The following AFF3 variants were observed in gnomAD, a reference collection of about 807,000 sequenced individuals.
AFF3 encodes the protein AF4/FMR2 family member 3.
In AFF3, 32 loss-of-function variants were observed where a neutral mutation model predicts 129.7. The observed-to-expected ratio is 0.25, with a 90% CI of 0.19 to 0.33. The LOEUF (loss-of-function observed/expected upper bound fraction) is 0.33. Among genes scored for constraint, AFF3 ranks in the 10% least tolerant of loss-of-function variants. The probability of loss-of-function intolerance (pLI) is 1.00; values close to 1 mark genes in which losing one functional copy is unlikely to be tolerated. For synonymous variants in AFF3, 644 were observed against 635.4 expected, an observed-to-expected ratio of 1.01 and a Z score of -0.20; for missense variants, 1,373 against 1,592.0, an observed-to-expected ratio of 0.86 and a Z score of 2.34.
intron 8 of AFF3, among the ~76,000 whole-genome samples, chr2:99,777,626 C>T (rs926870138): frequency 1.5e-4 from 23 of 152,158 alleles, no homozygotes; most frequent in African/African-American, 5.6e-4. Flanking sequence ...ATGTACAAGG[C>T]TCTTCATTCA....
chr2:99,822,048 T>C (rs77848667), intron 8 of AFF3, among the ~76,000 whole-genome samples: 3,528 of 152,300 alleles, frequency 0.023, 86 homozygotes, highest in African/African-American at 0.062. Flanking sequence ...AAAAAATTAC[T>C]CTGTGTGATT....
rs368517069 is a variant in AFF3 at position 99,886,607 on chromosome 2, T to C, written c.874-49083A>G. 5.3e-5 allele frequency among the ~76,000 whole-genome samples: 8 copies of C among 152,274 alleles called. No individual in the cohort carries two copies. The East Asian group carries it at 1.2e-3, about 22-fold the overall frequency. ...CATTTGCCATTAGGAAAACTCCTCATTGCATTTTGGACTTGAAGTCCACTG... is the reference window on the plus strand; with the variant it reads ...CATTTGCCATTAGGAAAACTCCTCACTGCATTTTGGACTTGAAGTCCACTG... On this transcript the variant is annotated intron_variant, in intron 7 of 24. Coordinates refer to ENST00000672756, the MANE Select transcript of AFF3 (RefSeq NM_001386135.1).
intron 16 of AFF3, 59 bp downstream of exon 16, chr2:99,587,095 T>C: frequency 6.2e-7 from 1 of 1,604,674 alleles, no homozygotes; most frequent in South Asian, 1.1e-5. Flanking sequence ...ACATAGCAGG[T>C]GACTTTCAGA....
intron 13 of AFF3, among the ~76,000 whole-genome samples, chr2:99,608,684 C>T (rs534698038): frequency 1.2e-3 from 180 of 152,260 alleles, no homozygotes; most frequent in African/African-American, 4.1e-3. Flanking sequence ...TGCTGCTTCT[C>T]CAGGCTAGCC....
intron 8 of AFF3, among the ~76,000 whole-genome samples, chr2:99,819,543 C>A (rs184785463): frequency 6.6e-6 from 1 of 152,338 alleles, no homozygotes; most frequent in Admixed American, 6.5e-5. Flanking sequence ...TTTACCTCCA[C>A]AACCACATTT....
intron 18 of AFF3, among the ~76,000 whole-genome samples, chr2:99,569,188 T>G (rs1676256479): frequency 2.0e-5 from 3 of 152,216 alleles, no homozygotes; most frequent in Admixed American, 2.0e-4. Context: ...AATTTGTGAA[T>G]ATATTTTTTT....
intron 7 of AFF3, among the ~76,000 whole-genome samples, chr2:99,920,322 GA>G (rs1326768508): frequency 6.6e-6 from 1 of 151,768 alleles, no homozygotes; most frequent in African/African-American, 2.4e-5. Context: ...TTATCATCTA[GA>G]AACATATAAA....
intron 11 of AFF3, among the ~76,000 whole-genome samples, chr2:99,693,752 T>C (rs1332646368): frequency 6.6e-6 from 1 of 152,192 alleles, no homozygotes; most frequent in Non-Finnish European, 1.5e-5. Context: ...GGAATAAAAG[T>C]GAAAGCCAGT....
chr2:99,651,052 A>G (rs1169471464), intron 12 of AFF3, among the ~76,000 whole-genome samples: 1 of 151,578 alleles, frequency 6.6e-6, no homozygotes, highest in Non-Finnish European at 1.5e-5. Context: ...ACATGTCTGT[A>G]ATTCCAGCTA....
chr2:100,003,991 A>G (rs1349537682), intron 7 of AFF3, among the ~76,000 whole-genome samples: 4 of 152,266 alleles, frequency 2.6e-5, no homozygotes, highest in Admixed American at 2.6e-4. Context: ...AAAAAAAAAA[A>G]AAAATTCTCT....
At chr2:99,579,405 CA>C (rs778716552) in intron 17 of AFF3, among the ~76,000 whole-genome samples, 9,206 of 106,812 alleles carry the variant, frequency 0.086, 879 homozygotes, top group African/African-American at 0.26. Context: ...AACTCCGTCT[CA>C]AAAAAAAAAA....
At chr2:99,739,437 G>A (rs982077926) in intron 10 of AFF3, among the ~76,000 whole-genome samples, 1 of 152,106 alleles carries the variant, frequency 6.6e-6, no homozygotes, top group South Asian at 2.1e-4. Flanking sequence ...ATTAGGTGGG[G>A]ATTCTGAAGG....
chr2:99,580,405 A>T (rs1219798023), intron 17 of AFF3, among the ~76,000 whole-genome samples: 4 of 152,084 alleles, frequency 2.6e-5, no homozygotes, highest in Non-Finnish European at 5.9e-5. Context: ...AAACCCTTAA[A>T]TTATTTATCT....
chr2:99,593,989 C>T lies in AFF3; in HGVS notation c.1672G>A (p.Val558Met), dbSNP rs778139795. The T allele has an allele frequency of 3.9e-6, 6 of 1,530,772 alleles. No homozygotes were observed. Among genetic ancestry groups the T allele is most frequent in the Non-Finnish European group, 5.3e-6 (6 of 1,141,046 alleles). The allele number at this position is 1,530,772 out of a possible 1,614,324, so 94.8% of individuals were successfully genotyped here. A position where few individuals can be genotyped will look rare whatever the true frequency, so the allele number is the denominator to read the frequency against. Residue 558 changes from valine to methionine, a missense_variant, in exon 15 of 25, where the codon GTG becomes ATG. Coordinates refer to ENST00000672756, the MANE Select transcript of AFF3 (RefSeq NM_001386135.1). ...KSPPAAVAVA[V>M]SAAAPPPAVP... ...GCGGGTGGCGGGGCGGCTGCGCTCA[C>T]CGCCACGGCCACGGCCGCGGGCGGG... is the stretch of plus-strand genomic sequence containing the variant.
intron 7 of AFF3, among the ~76,000 whole-genome samples, chr2:99,877,185 T>C (rs1692364022): frequency 6.6e-6 from 1 of 152,126 alleles, no homozygotes; most frequent in South Asian, 2.1e-4. Context: ...CAGCTGGACA[T>C]GGTAGCCAGC....
chr2:99,593,110 A>G (rs1376798369), intron 15 of AFF3, 85 bp downstream of exon 15: 3 of 1,451,450 alleles, frequency 2.1e-6, no homozygotes, highest in East Asian at 2.3e-5. Context: ...ACAGCAGCCT[A>G]TGGGTGCTCT....
At chr2:99,908,661 A>G (rs1210973738) in intron 7 of AFF3, among the ~76,000 whole-genome samples, 1 of 152,224 alleles carries the variant, frequency 6.6e-6, no homozygotes, top group South Asian at 2.1e-4. Flanking sequence ...AAAAGTGGAC[A>G]AAGGATATAA....
At chr2:99,823,259 C>T (rs10201341) in intron 8 of AFF3, among the ~76,000 whole-genome samples, 4 of 142,582 alleles carry the variant, frequency 2.8e-5, no homozygotes, top group African/African-American at 7.8e-5. Flanking sequence ...CCTTCCCCAA[C>T]CCCCCGCCCG....
intron 7 of AFF3, among the ~76,000 whole-genome samples, chr2:99,998,983 A>G (rs1044828705): frequency 1.3e-5 from 2 of 151,666 alleles, no homozygotes; most frequent in African/African-American, 4.9e-5. Context: ...TCCCCTCATC[A>G]CCCTCCTTAT....
Sources: gnomAD v4.1 joint callset for allele counts (sites outside exome capture counted in the v4.1 genomes callset) on GRCh38, gnomAD v4.1.1 for gene constraint, MANE v1.5 for transcripts, NCBI Gene and HGNC (gene_info 2026-07-23, HGNC 2026-07-21) for gene names.